Variants in RASAL2 observed in about 807,000 individuals in gnomAD.
The protein encoded by RASAL2 is RAS protein activator like 2.
In RASAL2, 58 loss-of-function variants were observed where a neutral mutation model predicts 128.9. That is an observed-to-expected ratio of 0.45 (90% CI 0.36 to 0.56). The LOEUF (loss-of-function observed/expected upper bound fraction) is 0.56, where lower values mean the gene tolerates loss of function less well. Among genes scored for constraint, RASAL2 ranks in the 20% least tolerant of loss-of-function variants. RASAL2 has a pLI of 0.00. For synonymous variants in RASAL2, 561 were observed against 580.8 expected, an observed-to-expected ratio of 0.97 and a Z score of 0.49; for missense variants, 1,360 against 1,601.6, an observed-to-expected ratio of 0.85 and a Z score of 2.57.
At chr1:178,380,160 A>T (rs1672203419) in intron 3 of RASAL2, among the ~76,000 whole-genome samples, 1 of 152,218 alleles carries the variant, frequency 6.6e-6, no homozygotes. Flanking sequence ...AAGTGCTGGG[A>T]TTACAGGCGT....
chr1:178,319,734 A>T (rs1021640057), intron 3 of RASAL2, among the ~76,000 whole-genome samples: 3 of 151,750 alleles, frequency 2.0e-5, no homozygotes, highest in Admixed American at 1.3e-4. Flanking sequence ...TTGCCTTTGG[A>T]TTGAATGTCC....
rs751723087 is a variant in RASAL2 at position 178,396,641 on chromosome 1, C to T, written c.564+6435C>T. ...GGTAAACAATAATACCCTTGGTGTG[C>T]CTTTCTACCATAAGGCCCTTTAATT... On this transcript the variant is annotated intron_variant, in intron 4 of 17. Transcript: ENST00000367649. Among the ~76,000 whole-genome samples the T allele has an allele frequency of 6.7e-4, 102 of 151,978 alleles. 1 individual carries two copies. Among genetic ancestry groups the T allele is most frequent in the Admixed American group, 5.9e-4 (9 of 15,266 alleles).
chr1:178,380,339 T>A (rs531356151), intron 3 of RASAL2, among the ~76,000 whole-genome samples: 9 of 152,098 alleles, frequency 5.9e-5, no homozygotes. Context: ...AAGAAAAAAA[T>A]TAGAAGAAAA....
intron 9 of RASAL2, among the ~76,000 whole-genome samples, chr1:178,448,096 A>G (rs771515511): frequency 2.6e-5 from 4 of 152,180 alleles, no homozygotes; most frequent in Non-Finnish European, 4.4e-5. Context: ...TTACCAGAGC[A>G]GGAAGAGAAC....
chr1:178,422,335 ATTAT>A (rs1675207504), intron 5 of RASAL2, among the ~76,000 whole-genome samples: 1 of 152,002 alleles, frequency 6.6e-6, no homozygotes, highest in Non-Finnish European at 1.5e-5. Flanking sequence ...ATTGAAATGT[ATTAT>A]TTGTGACTTT....
intron 1 of RASAL2, among the ~76,000 whole-genome samples, chr1:178,272,434 A>G (rs1365648863): frequency 2.0e-5 from 3 of 152,142 alleles, no homozygotes. Context: ...TTAACTCTAC[A>G]TTAAAGGACC....
At chr1:178,275,996 T>C (rs1216685494) in intron 1 of RASAL2, among the ~76,000 whole-genome samples, 1 of 152,230 alleles carries the variant, frequency 6.6e-6, no homozygotes, top group African/African-American at 2.4e-5. Flanking sequence ...AATGTAAGGA[T>C]TAAGACTTGT....
In RASAL2 at chr1:178,456,815, G is replaced by T. The variant is rs769434802; in HGVS notation, c.2306G>T (p.Arg769Leu). The T allele has an allele frequency of 1.2e-6, 2 of 1,614,134 alleles. No individual in the cohort carries two copies. Among genetic ancestry groups the T allele is most frequent in the Non-Finnish European group, 1.7e-6 (2 of 1,180,034 alleles). Residue 769 changes from arginine to leucine, a missense_variant, in exon 13 of 18, where the codon CGC becomes CTC. Coordinates refer to ENST00000367649, the MANE Select transcript of RASAL2 (RefSeq NM_170692.4). ...NPTPIQQQLR[R>L]FTEHNSSPNV... is the part of the protein sequence containing the mutation. ...ACGCCAATACAACAGCAACTGAGACGCTTCACTGAACATAACTCCAGTCCA... is the reference window on the plus strand; with the variant it reads ...ACGCCAATACAACAGCAACTGAGACTCTTCACTGAACATAACTCCAGTCCA...
intron 3 of RASAL2, among the ~76,000 whole-genome samples, chr1:178,365,123 G>C (rs929781553): frequency 5.3e-5 from 8 of 151,214 alleles, no homozygotes; most frequent in African/African-American, 1.7e-4. Flanking sequence ...CAACTTCTAT[G>C]TATATATTAA....
chr1:178,356,866 T>C (rs1670840590), intron 3 of RASAL2, among the ~76,000 whole-genome samples: 1 of 152,212 alleles, frequency 6.6e-6, no homozygotes, highest in African/African-American at 2.4e-5. Flanking sequence ...TATTTCACAA[T>C]AAAATAAAGG....
chr1:178,184,298 A>G (rs1257875815), intron 1 of RASAL2, among the ~76,000 whole-genome samples: 2 of 151,892 alleles, frequency 1.3e-5, no homozygotes, highest in East Asian at 3.8e-4. Flanking sequence ...ATTTAATTTT[A>G]ATTAAATCCT....
chr1:178,156,158 G>A (rs1463053070), intron 1 of RASAL2, among the ~76,000 whole-genome samples: 1 of 152,180 alleles, frequency 6.6e-6, no homozygotes, highest in East Asian at 1.9e-4. Context: ...TCAATTTGAA[G>A]CAGATTAAAG....
chr1:178,191,045 C>T (rs1229739390), intron 1 of RASAL2, among the ~76,000 whole-genome samples: 1 of 152,106 alleles, frequency 6.6e-6, no homozygotes, highest in African/African-American at 2.4e-5. Context: ...GAATGTGAAA[C>T]AGCTACTGTT....
chr1:178,320,771 G>T (rs1487090942), intron 3 of RASAL2, among the ~76,000 whole-genome samples: 2 of 152,196 alleles, frequency 1.3e-5, no homozygotes, highest in Admixed American at 6.5e-5. Flanking sequence ...CTCACGCTGG[G>T]AGCTGTAGAC....
At chr1:178,311,253 A>AACACACACACACACACACACAC (rs67243509) in intron 3 of RASAL2, among the ~76,000 whole-genome samples, 2,076 of 143,586 alleles carry the variant, frequency 0.014, 31 homozygotes, top group Middle Eastern at 0.025. Flanking sequence ...CACACACACA[A>AACACACACACACACACACACAC]ACACACACAC....
At chr1:178,290,764 C>T (rs1475800889) in intron 2 of RASAL2, among the ~76,000 whole-genome samples, 1 of 152,078 alleles carries the variant, frequency 6.6e-6, no homozygotes, top group East Asian at 1.9e-4. Flanking sequence ...CAAGCTCCGC[C>T]TCCTGGGTTC....
chr1:178,094,159 G>T lies in RASAL2; in HGVS notation c.-334G>T, dbSNP rs1658570735. The T allele has an allele frequency of 2.9e-6, 1 of 339,352 alleles. No individual in the cohort carries two copies. The highest frequency in any genetic ancestry group is 2.2e-5 in the African/African-American group (1 of 45,730). The allele number at this position is 339,352 out of a possible 1,614,324, so 21.0% of individuals were successfully genotyped here. A position where few individuals can be genotyped will look rare whatever the true frequency, so the allele number is the denominator to read the frequency against. On this transcript the variant is annotated 5_prime_UTR_variant, in exon 1 of 18. Coordinates refer to ENST00000367649, the MANE Select transcript of RASAL2 (RefSeq NM_170692.4). ...CGGGGCTGAAGAAGGCGGCTCCGAG[G>T]AGGTGGGAGGGCGAGCCTCCCCTCC... is the stretch of plus-strand genomic sequence containing the variant.
intron 1 of RASAL2, among the ~76,000 whole-genome samples, chr1:178,250,619 T>C (rs1438311721): frequency 6.6e-6 from 1 of 152,096 alleles, no homozygotes; most frequent in Non-Finnish European, 1.5e-5. Context: ...GCCACTCAGT[T>C]GGAAATGCAG....
intron 3 of RASAL2, among the ~76,000 whole-genome samples, chr1:178,336,292 T>C (rs559966870): frequency 6.6e-6 from 1 of 152,238 alleles, no homozygotes; most frequent in Non-Finnish European, 1.5e-5. Flanking sequence ...TGGATGAAGT[T>C]AACTGCCTGC....
Sources: gnomAD v4.1 joint callset for allele counts (sites outside exome capture counted in the v4.1 genomes callset) on GRCh38, gnomAD v4.1.1 for gene constraint, MANE v1.5 for transcripts, NCBI Gene and HGNC (gene_info 2026-07-23, HGNC 2026-07-21) for gene names.